PRKCE: variants seen among roughly 807,000 people sequenced by gnomAD.
PRKCE encodes the protein protein kinase C epsilon.
In PRKCE, 16 loss-of-function variants were observed where a neutral mutation model predicts 85.4. The observed-to-expected ratio is 0.19, with a 90% CI of 0.13 to 0.28. The LOEUF is 0.28. Ranked by LOEUF, PRKCE falls within the 10% of genes least tolerant of loss-of-function variation. The pLI, the probability that PRKCE is intolerant of heterozygous loss-of-function variation, is 1.00. For missense variants in PRKCE, 573 were observed against 975.2 expected, an observed-to-expected ratio of 0.59 and a Z score of 5.49; for synonymous variants, 388 against 371.5, an observed-to-expected ratio of 1.04 and a Z score of -0.51.
intron 14 of PRKCE, chr2:46,167,643 G>C (rs752141971): frequency 6.6e-6 from 1 of 152,178 alleles, no homozygotes; most frequent in Non-Finnish European, 1.5e-5. Flanking sequence ...CAAGGGGAGG[G>C]AGGTACTGCG....
At chr2:45,879,403 C>T (rs1194462457) in intron 2 of PRKCE, among the ~76,000 whole-genome samples, 1 of 152,110 alleles carries the variant, frequency 6.6e-6, no homozygotes, top group Non-Finnish European at 1.5e-5. Flanking sequence ...CTGATTTTTT[C>T]CTGGACACTG....
chr2:46,135,746 C>CTTTTTTTTTTTTTT (rs11417233), intron 11 of PRKCE, among the ~76,000 whole-genome samples: 528 of 20,666 alleles, frequency 0.026, 201 homozygotes, highest in African/African-American at 0.073. Context: ...ACAAATTATG[C>CTTTTTTTTTTTTTT]TTTTTTTTTT....
chr2:46,114,212 G>A (rs1359939347), intron 11 of PRKCE, among the ~76,000 whole-genome samples: 1 of 152,066 alleles, frequency 6.6e-6, no homozygotes, highest in African/African-American at 2.4e-5. Flanking sequence ...CGAGGGTTCT[G>A]TATAAACTTC....
Position 46,168,930 on chromosome 2 carries a change from G to A in PRKCE, c.2067+9178G>A, listed in dbSNP as rs145892210. ...GCCCTCCTGCCTATCTCTGCGGAGA[G>A]GACTAAAGGATGGTCTGGCTGCCAG... On this transcript the variant is annotated intron_variant, in intron 14 of 14. Coordinates refer to ENST00000306156, the MANE Select transcript of PRKCE (RefSeq NM_005400.3). Among the ~76,000 whole-genome samples the A allele has an allele frequency of 2.1e-3, 315 of 152,320 alleles. 1 individual carries two copies. The highest frequency in any genetic ancestry group is 7.2e-3 in the African/African-American group (299 of 41,562).
At chr2:45,698,767 G>C (rs573964852) in intron 1 of PRKCE, among the ~76,000 whole-genome samples, 1 of 152,290 alleles carries the variant, frequency 6.6e-6, no homozygotes, top group South Asian at 2.1e-4. Flanking sequence ...AGAATGCCCT[G>C]AGGGTGGCCA....
intron 5 of PRKCE, among the ~76,000 whole-genome samples, chr2:45,982,563 A>T (rs982224674): frequency 4.0e-5 from 6 of 151,362 alleles, no homozygotes; most frequent in African/African-American, 1.2e-4. Flanking sequence ...TTTTTCTTTA[A>T]TCTCACAATT....
At chr2:45,708,249 T>C (rs1190188576) in intron 1 of PRKCE, among the ~76,000 whole-genome samples, 2 of 152,170 alleles carry the variant, frequency 1.3e-5, no homozygotes, top group East Asian at 1.9e-4. Context: ...GTGAGGTCAG[T>C]TGTAGCAGAG....
At chr2:45,849,021 T>A (rs1692027537) in intron 2 of PRKCE, among the ~76,000 whole-genome samples, 1 of 152,166 alleles carries the variant, frequency 6.6e-6, no homozygotes, top group South Asian at 2.1e-4. Context: ...TTTTCGGGGA[T>A]GGCTGGATAG....
chr2:46,060,790 C>T (rs1667040643), intron 10 of PRKCE, among the ~76,000 whole-genome samples: 2 of 145,336 alleles, frequency 1.4e-5, no homozygotes, highest in South Asian at 2.1e-4. Flanking sequence ...GAGACAGAGT[C>T]TCACTGTGTC....
At chr2:45,796,206 A>G (rs142750151) in intron 1 of PRKCE, among the ~76,000 whole-genome samples, 1 of 152,314 alleles carries the variant, frequency 6.6e-6, no homozygotes, top group Non-Finnish European at 1.5e-5. Context: ...CTAGGCTGAC[A>G]AAATGTCCAG....
chr2:45,668,986 A>C (rs1010561537), intron 1 of PRKCE, among the ~76,000 whole-genome samples: 4 of 152,100 alleles, frequency 2.6e-5, no homozygotes, highest in African/African-American at 4.8e-5. Context: ...ACTAAGCAAC[A>C]TTTGGGTTTC....
chr2:45,788,028 G>A (rs116099872), intron 1 of PRKCE, among the ~76,000 whole-genome samples: 2,528 of 152,272 alleles, frequency 0.017, 33 homozygotes, highest in Non-Finnish European at 0.025. Flanking sequence ...GGTCAGGATC[G>A]TTCAATAATA....
intron 1 of PRKCE, among the ~76,000 whole-genome samples, chr2:45,733,266 G>GT (rs1681746622): frequency 6.6e-6 from 1 of 152,100 alleles, no homozygotes; most frequent in Non-Finnish European, 1.5e-5. Context: ...CTGGTACACA[G>GT]TAACTGCTCA....
At chr2:45,767,705 G>A (rs1395251506) in intron 1 of PRKCE, among the ~76,000 whole-genome samples, 1 of 152,150 alleles carries the variant, frequency 6.6e-6, no homozygotes, top group Non-Finnish European at 1.5e-5. Context: ...GTGCTTCTGT[G>A]GACTTGCTGC....
chr2:46,175,297 A>G (rs545670271), intron 14 of PRKCE, among the ~76,000 whole-genome samples: 1 of 152,320 alleles, frequency 6.6e-6, no homozygotes, highest in South Asian at 2.1e-4. Flanking sequence ...ATAAATGCAC[A>G]CAGGTGGCCT....
Position 46,081,995 on chromosome 2 carries a change from T to C in PRKCE, c.1438-4213T>C, listed in dbSNP as rs551046075. Among the ~76,000 whole-genome samples, 11 of 152,240 alleles carry C rather than the reference T, an allele frequency of 7.2e-5. No individual in the cohort carries two copies. In the East Asian group the frequency reaches 2.1e-3, roughly 29 times the overall value. On this transcript the variant is annotated intron_variant, in intron 10 of 14. Transcript: ENST00000306156. ...CCTTACTCCCAGCTACTCGGGAGGCTGAGGCAGGAGAATCACTTGAACCTG... is the reference window on the plus strand; with the variant it reads ...CCTTACTCCCAGCTACTCGGGAGGCCGAGGCAGGAGAATCACTTGAACCTG...
At chr2:45,973,650 G>T (rs540816178) in intron 2 of PRKCE, among the ~76,000 whole-genome samples, 2 of 152,310 alleles carry the variant, frequency 1.3e-5, no homozygotes, top group East Asian at 3.9e-4. Context: ...TTCCCTCCAG[G>T]TATCAGGGCA....
chr2:45,766,294 T>C (rs536852309), intron 1 of PRKCE, among the ~76,000 whole-genome samples: 1 of 152,312 alleles, frequency 6.6e-6, no homozygotes, highest in South Asian at 2.1e-4. Context: ...CTTGAACAAA[T>C]GTTCTATTAC....
At chr2:45,752,918 G>T (rs1683700564) in intron 1 of PRKCE, among the ~76,000 whole-genome samples, 2 of 152,080 alleles carry the variant, frequency 1.3e-5, no homozygotes, top group Admixed American at 1.3e-4. Flanking sequence ...CTACAGATGG[G>T]GCACCGGCTG....
Sources: allele counts gnomAD v4.1 joint callset (sites outside exome capture counted in the v4.1 genomes callset), GRCh38; gene constraint gnomAD v4.1.1; transcripts MANE v1.5; gene names NCBI Gene and HGNC (gene_info 2026-07-23, HGNC 2026-07-21).